PLCB3: variants seen among roughly 807,000 people sequenced by gnomAD.
PLCB3 encodes phospholipase C beta 3, also known as 1-phosphatidylinositol 4,5-bisphosphate phosphodiesterase beta-3.
A neutral mutation model predicts 152.1 loss-of-function variants in PLCB3; 54 were observed. That is an observed-to-expected ratio of 0.36 (90% CI 0.29 to 0.45). PLCB3 has a LOEUF of 0.45. Ranked by LOEUF, PLCB3 falls within the 20% of genes least tolerant of loss-of-function variation. PLCB3 has a pLI of 1.00. For missense variants in PLCB3, 1,248 were observed against 1,687.5 expected (o/e 0.74, Z 4.56); for synonymous variants, 717 against 698.7 (o/e 1.03, Z -0.41).
At chr11:64,256,239 G>A in intron 8 of PLCB3, 137 bp from the exon 9 acceptor site, 1 of 708,948 alleles carries the variant, frequency 1.4e-6, no homozygotes, top group Non-Finnish European at 2.4e-6. Context: ...GGTTGGCCAT[G>A]ACTCACCCAG....
intron 1 of PLCB3, 122 bp downstream of exon 1, chr11:64,251,870 C>T (rs2031223475): frequency 2.0e-6 from 1 of 498,082 alleles, no homozygotes; most frequent in Non-Finnish European, 3.4e-6. Flanking sequence ...CCCAGTCTGG[C>T]GGCGCCCCGG....
In PLCB3 at chr11:64,255,323, A is replaced by G. The variant is rs772428110; in HGVS notation, c.467+10A>G. 2.2e-5 allele frequency: 35 copies of G among 1,613,506 alleles called. No individual in the cohort carries two copies. Among genetic ancestry groups the G allele is most frequent in the Non-Finnish European group, 2.9e-5 (34 of 1,179,590 alleles). ...CCTTCCTGCGCAAAGCGTGAGCCCC[A>G]GGCCACCCGAGGGGGAGCCGGGGGG... On this transcript the variant is annotated intron_variant, in intron 5 of 30. Coordinates refer to ENST00000279230, the MANE Select transcript of PLCB3 (RefSeq NM_000932.5). The surrounding 1 kb of genome is among the most constrained non-coding windows in gnomAD (Gnocchi z 6.8).
At chr11:64,264,392 G>A (rs963187004) in intron 22 of PLCB3, among the ~76,000 whole-genome samples, 5 of 152,190 alleles carry the variant, frequency 3.3e-5, no homozygotes, top group East Asian at 1.9e-4. Context: ...CTGTTCAGAC[G>A]TGGTGTCCTG....
chr11:64,265,236 C>T lies in PLCB3; in HGVS notation c.2842+9C>T, dbSNP rs767144174. ...CGCCAGCATCCTCTCAGGTAGGGGGCGGGGTACCTGGAGGCAGGGGGCTGC... is the reference window on the plus strand; with the variant it reads ...CGCCAGCATCCTCTCAGGTAGGGGGTGGGGTACCTGGAGGCAGGGGGCTGC... On this transcript the variant is annotated intron_variant, in intron 24 of 30. Transcript: ENST00000279230. 5.6e-6 allele frequency: 9 copies of T among 1,597,158 alleles called. No individual in the cohort carries two copies. The highest frequency in any genetic ancestry group is 1.7e-4 in the Middle Eastern group (1 of 6,030).
Position 64,260,065 on chromosome 11 carries a change from A to T in PLCB3, c.1562A>T (p.Asn521Ile). 6.2e-7 allele frequency: 1 copy of T among 1,611,900 alleles called. No individual in the cohort carries two copies. Among genetic ancestry groups the T allele is most frequent in the Non-Finnish European group, 8.5e-7 (1 of 1,179,360 alleles). Reference sequence around the variant, plus strand: ...TCTGACAGCTGCCCAGGCCTGAGCAATGGGGAGGAGGTAGGGCTTGAGAAG... The same window carrying T: ...TCTGACAGCTGCCCAGGCCTGAGCATTGGGGAGGAGGTAGGGCTTGAGAAG... ...PSSDSCPGLS[N>I]GEEVGLEKPS... Residue 521 changes from asparagine to isoleucine, a missense_variant, in exon 14 of 31, where the codon AAT (asparagine) becomes ATT (isoleucine). Physicochemically the swap from Asn to Ile is moderately radical, Grantham distance 149. Coordinates refer to ENST00000279230, the MANE Select transcript of PLCB3 (RefSeq NM_000932.5).
chr11:64,260,383 A>G, intron 14 of PLCB3, 149 bp downstream of exon 14: 5 of 640,822 alleles, frequency 7.8e-6, no homozygotes, highest in South Asian at 7.4e-5. Context: ...CTCTTCAGTC[A>G]TCAGGCATGG....
intron 25 of PLCB3, 66 bp downstream of exon 25, chr11:64,265,568 G>T (rs1003250444): frequency 1.5e-4 from 227 of 1,508,142 alleles, no homozygotes; most frequent in Non-Finnish European, 2.0e-4. Flanking sequence ...GGGGGTCGGT[G>T]GGCATGGAGA....
In PLCB3 at chr11:64,255,249, C is replaced by G; in HGVS notation, c.403C>G (p.Leu135Val). 1.2e-6 allele frequency: 2 copies of G among 1,613,450 alleles called. No individual in the cohort carries two copies. The highest frequency in any genetic ancestry group is 1.3e-5 in the African/African-American group (1 of 75,036). ...GGCCCCCCAGGTCTGGTCTGAGGAG[C>G]TATTCAAGCTGGCTATGAACATCCT... ...DDTAKVWSEE[L>V]FKLAMNILAQ... Residue 135 changes from leucine to valine, a missense_variant, in exon 5 of 31, where the codon CTA becomes GTA. By Grantham distance (32) the Leu-to-Val change is conservative. Coordinates refer to ENST00000279230, the MANE Select transcript of PLCB3 (RefSeq NM_000932.5). The surrounding 1 kb of genome is among the most constrained non-coding windows in gnomAD (Gnocchi z 6.8).
chr11:64,255,745 T>A lies in PLCB3; in HGVS notation c.622T>A (p.Phe208Ile). Residue 208 changes from phenylalanine to isoleucine, a missense_variant, in exon 8 of 31, where the codon TTT becomes ATT. This residue lies in a region of PLCB3 where 299 missense variants were observed against 434.7 expected (regional missense o/e 0.69). Transcript: ENST00000279230. This position sits in a 1 kb window ranked among gnomAD's most constrained non-coding sequence, Gnocchi z 6.8. ...NRSESIRPDE[F>I]SLEIFERFLN... ...GAGTGAGTCCATCCGGCCTGATGAG[T>A]TTTCCTTGGAAATCTTTGAGCGGTT... The A allele has an allele frequency of 6.2e-7, 1 of 1,613,868 alleles. No homozygotes were observed. The highest frequency in any genetic ancestry group is 1.6e-4 in the Middle Eastern group (1 of 6,062).
In PLCB3 at chr11:64,262,785, G is replaced by C; in HGVS notation, c.2332G>C (p.Glu778Gln). 1 of 1,613,638 alleles carries C rather than the reference G, an allele frequency of 6.2e-7. No individual in the cohort carries two copies. The change falls in exon 19 of 31, where the codon GAA (glutamate) becomes CAA (glutamine). Residue 778 changes from glutamate to glutamine, a missense_variant. Physicochemically the swap from Glu to Gln is conservative, Grantham distance 29 (BLOSUM62 2). This residue lies in a region of PLCB3 where 244 missense variants were observed against 424.4 expected (regional missense o/e 0.57). Coordinates refer to ENST00000279230, the MANE Select transcript of PLCB3 (RefSeq NM_000932.5). ...QGNSFNPVWD[E>Q]EPFDFPKVVL... ...GAACTCGTTCAACCCCGTGTGGGAC[G>C]AAGAGCCCTTCGACTTCCCCAAGGT... is the stretch of plus-strand genomic sequence containing the variant.
At position 64,257,057 on chromosome 11, in the gene PLCB3, T is replaced by C. The variant is rs181267834; in HGVS notation, c.1012+293T>C. Reference sequence around the variant, plus strand: ...TTCGCTCTTGTTGCCCAGGCTGGAGTGCAATGGCACGATCTAGGCTCAGCG... The same window carrying C: ...TTCGCTCTTGTTGCCCAGGCTGGAGCGCAATGGCACGATCTAGGCTCAGCG... On this transcript the variant is annotated intron_variant, in intron 10 of 30. Coordinates refer to ENST00000279230, the MANE Select transcript of PLCB3 (RefSeq NM_000932.5). Among the ~76,000 whole-genome samples, 141 of 139,088 alleles carry C rather than the reference T, an allele frequency of 1.0e-3. No individual in the cohort carries two copies. The East Asian group carries it at 0.03, about 29-fold the overall frequency. 91.2% of individuals were successfully genotyped at this position (139,088 alleles called of 152,430 possible).
chr11:64,266,643 C>T lies in PLCB3; in HGVS notation c.3414+91C>T, dbSNP rs2032138301. On this transcript the variant is annotated intron_variant, in intron 29 of 30. Transcript: ENST00000279230. The surrounding 1 kb of genome is among the most constrained non-coding windows in gnomAD (Gnocchi z 4.9). ...ATGCCTGGCCTGGTGCCACGTTGCC[C>T]TCAAGGTTCTTCTAGGGCCTTTCTC... is the stretch of plus-strand genomic sequence containing the variant. The T allele has an allele frequency of 7.8e-7, 1 of 1,273,914 alleles. No homozygotes were observed. The highest frequency in any genetic ancestry group is 1.2e-5 in the South Asian group (1 of 82,884). The allele number at this position is 1,273,914 out of a possible 1,614,324, so 78.9% of individuals were successfully genotyped here.
In PLCB3 at chr11:64,258,874, C is replaced by T. The variant is rs375415076; in HGVS notation, c.1254-11C>T. ...GGGAGGGATCTCTGACCTCTGACCT[C>T]GGTTCCGCAGGGCAAAGCAACAGGC... is the stretch of plus-strand genomic sequence containing the variant. On this transcript the variant is annotated splice_polypyrimidine_tract_variant and intron_variant, in intron 11 of 30. Transcript: ENST00000279230. This position sits in a 1 kb window ranked among gnomAD's most constrained non-coding sequence, Gnocchi z 7.2. 14 of 1,613,738 alleles carry T rather than the reference C, an allele frequency of 8.7e-6. No individual in the cohort carries two copies. The highest frequency in any genetic ancestry group is 6.7e-5 in the African/African-American group (5 of 74,916).
At chr11:64,253,964 T>C (rs1185662861) in intron 1 of PLCB3, among the ~76,000 whole-genome samples, 3 of 152,178 alleles carry the variant, frequency 2.0e-5, no homozygotes, top group African/African-American at 7.2e-5. Flanking sequence ...GACTTCTCAC[T>C]TTCATGCCTT....
Position 64,255,822 on chromosome 11 carries a change from G to A in PLCB3, c.698+1G>A. ...ACATTGACAAGATCCTGCTGGAGAT[G>A]TGAGTGGGCCCGGCCTGCCTCACAA... On this transcript the variant is annotated splice_donor_variant, in intron 8 of 30. Transcript: ENST00000279230. LOFTEE classifies it high-confidence loss of function. This position sits in a 1 kb window ranked among gnomAD's most constrained non-coding sequence, Gnocchi z 6.8. The A allele has an allele frequency of 6.2e-7, 1 of 1,606,088 alleles. No homozygotes were observed. The highest frequency in any genetic ancestry group is 8.5e-7 in the Non-Finnish European group (1 of 1,172,732).
intron 16 of PLCB3, 26 bp downstream of exon 16, chr11:64,261,691 G>T: frequency 6.2e-7 from 1 of 1,600,540 alleles, no homozygotes; most frequent in Non-Finnish European, 8.6e-7. Context: ...GCTGTGGGCG[G>T]GCAGGCCAGG....
chr11:64,262,655 A>T lies in PLCB3; in HGVS notation c.2202A>T (p.Ser734=). Residue 734 remains serine (S), a synonymous_variant, in exon 19 of 31, where the codon TCA becomes TCT. Coordinates refer to ENST00000279230, the MANE Select transcript of PLCB3 (RefSeq NM_000932.5). ...CCTTGGCCCACCCCCAGGTGATCTCAGGGCAGTTCCTGTCCGACAGGAAGG... is the reference window on the plus strand; with the variant it reads ...CCTTGGCCCACCCCCAGGTGATCTCTGGGCAGTTCCTGTCCGACAGGAAGG... The part of the protein sequence containing the change: ...VANALRVKVI[S]GQFLSDRKVG... The T allele has an allele frequency of 1.2e-6, 2 of 1,613,878 alleles. No individual in the cohort carries two copies. The highest frequency in any genetic ancestry group is 1.7e-6 in the Non-Finnish European group (2 of 1,179,938).
rs1461917640 is a variant in PLCB3 at position 64,254,411 on chromosome 11, T to C, written c.100-4T>C. 1.9e-6 allele frequency: 3 copies of C among 1,613,220 alleles called. No homozygotes were observed. In the Admixed American group the frequency reaches 5.0e-5, roughly 27 times the overall value. ...TGACCCCTGCTGCCCTGTGCTGTCC[T>C]CAGGAGACCTCCAGTCGGAACCTGG... is the stretch of plus-strand genomic sequence containing the variant. On this transcript the variant is annotated splice_polypyrimidine_tract_variant and splice_region_variant and intron_variant, in intron 1 of 30. Coordinates refer to ENST00000279230, the MANE Select transcript of PLCB3 (RefSeq NM_000932.5).
At chr11:64,254,574 G>A (rs943880436) in intron 2 of PLCB3, 82 bp downstream of exon 2, 14 of 1,440,168 alleles carry the variant, frequency 9.7e-6, no homozygotes, top group Admixed American at 3.4e-5. Context: ...GGTGGGGCCC[G>A]GCTGCAGGCT....
Sources: gnomAD v4.1 joint callset for allele counts (sites outside exome capture counted in the v4.1 genomes callset) on GRCh38, gnomAD v4.1.1 for gene constraint, gnomAD v4.1.1 regional missense constraint, Gnocchi (gnomAD v3.1) non-coding constraint, MANE v1.5 for transcripts, NCBI Gene and HGNC (gene_info 2026-07-23, HGNC 2026-07-21) for gene names.